AP3B2: variants seen among roughly 807,000 people sequenced by gnomAD.
The protein encoded by AP3B2 is AP-3 complex subunit beta-2.
In AP3B2, 50 loss-of-function variants were observed where a neutral mutation model predicts 126.9. The ratio of observed to expected loss-of-function variants is 0.39; its 90% CI spans 0.31 to 0.50. The LOEUF is 0.50. AP3B2 is among the 20% of genes least tolerant of loss of function. The probability of loss-of-function intolerance (pLI) is 0.79; values close to 1 mark genes in which losing one functional copy is unlikely to be tolerated. For missense variants in AP3B2, 1,177 were observed against 1,426.4 expected, an observed-to-expected ratio of 0.83 and a Z score of 2.82; for synonymous variants, 541 against 565.0, an observed-to-expected ratio of 0.96 and a Z score of 0.60.
chr15:82,664,889 G>A lies in AP3B2; in HGVS notation c.2083C>T (p.Pro695Ser), dbSNP rs1361182911. 1.2e-6 allele frequency: 2 copies of A among 1,607,792 alleles called. No homozygotes were observed. Among genetic ancestry groups the A allele is most frequent in the Non-Finnish European group, 1.7e-6 (2 of 1,177,274 alleles). ...NREKRKEKEK[P>S]FYSDSEGESG... ...TCCCCCTCAGAGTCCGAGTAGAAGG[G>A]TTTTTCCTTCTCCTTTCTCTTCTCC... Residue 695 changes from proline (P) to serine (S), a missense_variant, in exon 18 of 27, where the codon CCC becomes TCC. Around this residue, in one of 5 missense-constraint regions of AP3B2, gnomAD observed 587 missense variants for 571.3 expected, o/e 1.03. Transcript: ENST00000535359. The surrounding 1 kb of genome is among the most constrained non-coding windows in gnomAD (Gnocchi z 4.5).
chr15:82,697,080 C>A (rs1276855853), intron 1 of AP3B2, among the ~76,000 whole-genome samples: 1 of 152,046 alleles, frequency 6.6e-6, no homozygotes, highest in Non-Finnish European at 1.5e-5. Flanking sequence ...GCCTGTAATC[C>A]CAGCACTTTG....
intron 14 of AP3B2, among the ~76,000 whole-genome samples, chr15:82,674,427 C>T (rs976731462): frequency 2.6e-5 from 4 of 152,220 alleles, no homozygotes; most frequent in African/African-American, 4.8e-5. Context: ...AGGTGAAGGG[C>T]GCCCTGGAGG....
At chr15:82,662,944 G>A in intron 22 of AP3B2, 22 bp from the exon 23 acceptor site, 9 of 1,602,400 alleles carry the variant, frequency 5.6e-6, no homozygotes, top group Non-Finnish European at 7.7e-6. Context: ...GGGTAGGGAA[G>A]GACAGAACTG....
rs757843431 is a variant in AP3B2 at position 82,680,522 on chromosome 15, C to T, written c.1005G>A (p.Ala335=). 6.5e-7 allele frequency: 1 copy of T among 1,540,490 alleles called. No homozygotes were observed. Among genetic ancestry groups the T allele is most frequent in the Admixed American group, 1.9e-5 (1 of 51,542 alleles). Residue 335 remains alanine, a synonymous_variant, in exon 8 of 27, where the codon GCG becomes GCA. Coordinates refer to ENST00000535359, the MANE Select transcript of AP3B2 (RefSeq NM_001278512.2). The surrounding 1 kb of genome is among the most constrained non-coding windows in gnomAD (Gnocchi z 6.1). Reference sequence around the variant, plus strand: ...GCGCCTTGGCGATGACGCCCACTTCCGCCTTGGGCGCCAGGTGGAAGTAGA... The same window carrying T: ...GCGCCTTGGCGATGACGCCCACTTCTGCCTTGGGCGCCAGGTGGAAGTAGA... ...AQLYFHLAPK[A]EVGVIAKALV... is the part of the protein sequence containing the mutation.
In AP3B2 at chr15:82,680,178, G is replaced by A. The variant is rs1180917814; in HGVS notation, c.1107C>T (p.Arg369=). 4 of 1,613,378 alleles carry A rather than the reference G, an allele frequency of 2.5e-6. No individual in the cohort carries two copies. In the South Asian group the frequency reaches 3.3e-5, roughly 13 times the overall value. ...LQNVATMSIK[R]RGMFEPYLKS... is the part of the protein sequence containing the mutation. Reference sequence around the variant, plus strand: ...CAGCCCGCCGTCGCAGGCTCACCCGGCGCTTGATGGACATGGTGGCCACGT... The same window carrying A: ...CAGCCCGCCGTCGCAGGCTCACCCGACGCTTGATGGACATGGTGGCCACGT... Residue 369 remains arginine (R), a synonymous_variant, in exon 9 of 27, where the codon CGC becomes CGT. Transcript: ENST00000535359. This position sits in a 1 kb window ranked among gnomAD's most constrained non-coding sequence, Gnocchi z 6.1.
At chr15:82,708,406 C>G (rs1486938312) in intron 1 of AP3B2, among the ~76,000 whole-genome samples, 1 of 151,894 alleles carries the variant, frequency 6.6e-6, no homozygotes, top group Non-Finnish European at 1.5e-5. Flanking sequence ...CGTGAAAATC[C>G]TCATCTTCTC....
At chr15:82,677,934 C>T in intron 11 of AP3B2, 131 bp from the exon 12 acceptor site, 1 of 1,349,556 alleles carries the variant, frequency 7.4e-7, no homozygotes, top group Non-Finnish European at 1.0e-6. Flanking sequence ...GTGACAACTC[C>T]ACCCCCAATC....
chr15:82,689,316 G>A (rs1212157756), intron 2 of AP3B2, 62 bp downstream of exon 2: 2 of 1,611,708 alleles, frequency 1.2e-6, no homozygotes, highest in African/African-American at 2.7e-5. Flanking sequence ...AAGGAGCTAA[G>A]GAGAGCTGCT....
At chr15:82,704,798 G>A (rs147543966) in intron 1 of AP3B2, among the ~76,000 whole-genome samples, 1,783 of 152,318 alleles carry the variant, frequency 0.012, 33 homozygotes, top group African/African-American at 0.04. Context: ...TACAGTGGAG[G>A]GTAAGTCCGT....
intron 4 of AP3B2, 117 bp downstream of exon 4, chr15:82,688,615 TAGGC>T (rs2048471775): frequency 2.2e-6 from 2 of 918,360 alleles, no homozygotes; most frequent in African/African-American, 3.3e-5. Flanking sequence ...CTCCCAATTT[TAGGC>T]AGGTAGGAAG....
At chr15:82,708,507 C>A (rs1210162213) in intron 1 of AP3B2, among the ~76,000 whole-genome samples, 2 of 152,116 alleles carry the variant, frequency 1.3e-5, no homozygotes, top group Admixed American at 1.3e-4. Context: ...TTCTGCCTCT[C>A]CCCTGGTCTA....
At chr15:82,686,143 G>A (rs532499509) in intron 4 of AP3B2, 2 of 152,312 alleles carry the variant, frequency 1.3e-5, no homozygotes, top group African/African-American at 4.8e-5. Context: ...GAATCACCCT[G>A]GTTTGGACCC....
At position 82,688,747 on chromosome 15, in the gene AP3B2, G is replaced by A. The variant is rs1233321722; in HGVS notation, c.349C>T (p.Arg117Cys). The change falls in exon 4 of 27, where the codon CGT becomes TGT. Residue 117 changes from arginine to cysteine, a missense_variant. Arg to Cys is a radical substitution (Grantham distance 180, BLOSUM62 -3). This residue lies in a region of AP3B2 where 130 missense variants were observed against 262.0 expected (regional missense o/e 0.50). Transcript: ENST00000535359. ...CTGAGACCCCTGACCTTTAGGCCAC[G>A]TTGGAAGGTGGAGATGGACAGCAGG... Reference protein sequence around the residue: ...LALLSISTFQRGLKDPNQLIR... With the variant: ...LALLSISTFQCGLKDPNQLIR... The A allele has an allele frequency of 3.7e-6, 6 of 1,612,080 alleles. No individual in the cohort carries two copies. The highest frequency in any genetic ancestry group is 8.5e-7 in the Non-Finnish European group (1 of 1,179,102).
intron 1 of AP3B2, chr15:82,699,558 T>C (rs180713038): frequency 2.5e-6 from 1 of 399,276 alleles, no homozygotes; most frequent in East Asian, 3.6e-5. Flanking sequence ...GGAAGAGGTC[T>C]GGGCTGAGAG....
chr15:82,695,532 G>A (rs1034082938), intron 1 of AP3B2, among the ~76,000 whole-genome samples: 2 of 152,098 alleles, frequency 1.3e-5, no homozygotes, highest in Non-Finnish European at 2.9e-5. Flanking sequence ...ATAGGGTTTC[G>A]AGAGCTTCCA....
At chr15:82,678,583 C>T (rs2048281408) in intron 10 of AP3B2, among the ~76,000 whole-genome samples, 1 of 152,210 alleles carries the variant, frequency 6.6e-6, no homozygotes, top group South Asian at 2.1e-4. Flanking sequence ...TTCGCAGATG[C>T]TGTTTCCTCT....
Position 82,709,790 on chromosome 15 carries a change from C to G in AP3B2, c.-84G>C, listed in dbSNP as rs1309929780. 1 of 1,157,670 alleles carries G rather than the reference C, an allele frequency of 8.6e-7. No individual in the cohort carries two copies. Among genetic ancestry groups the G allele is most frequent in the Non-Finnish European group, 1.1e-6 (1 of 873,910 alleles). The allele number at this position is 1,157,670 out of a possible 1,614,324, so 71.7% of individuals were successfully genotyped here. A position where few individuals can be genotyped will look rare whatever the true frequency, so the allele number is the denominator to read the frequency against. Reference sequence around the variant, plus strand: ...CGGAGGAAGGGAAGGCGGGCCGGTCCGGTCCGGGCTGGCGAAGGCGGCGGC... The same window carrying G: ...CGGAGGAAGGGAAGGCGGGCCGGTCGGGTCCGGGCTGGCGAAGGCGGCGGC... On this transcript the variant is annotated 5_prime_UTR_variant, in exon 1 of 27. Transcript: ENST00000535359.
rs758220462 is a variant in AP3B2 at position 82,663,186 on chromosome 15, T to C, written c.2545A>G (p.Thr849Ala). The C allele has an allele frequency of 1.2e-6, 2 of 1,612,848 alleles. No homozygotes were observed. The highest frequency in any genetic ancestry group is 1.3e-5 in the African/African-American group (1 of 74,896). The change falls in exon 22 of 27, where the codon ACC becomes GCC. Residue 849 changes from threonine to alanine, a missense_variant. By Grantham distance (58) the Thr-to-Ala change is moderately conservative. Around this residue, in one of 5 missense-constraint regions of AP3B2, gnomAD observed 587 missense variants for 571.3 expected, o/e 1.03. Transcript: ENST00000535359. ...CCCTCCAGGTCAGCAGCCAGACTGGTAGACACAATTGCTGGGGGAGACACA... is the reference window on the plus strand; with the variant it reads ...CCCTCCAGGTCAGCAGCCAGACTGGCAGACACAATTGCTGGGGGAGACACA... ...QPVSPPAIVS[T>A]SLAADLEGLT...
At chr15:82,694,884 G>A (rs922749138) in intron 1 of AP3B2, among the ~76,000 whole-genome samples, 3 of 152,074 alleles carry the variant, frequency 2.0e-5, no homozygotes, top group African/African-American at 7.2e-5. Flanking sequence ...CCCCATTTCT[G>A]AGACAGAGCT....
Sources: gnomAD v4.1 joint callset for allele counts (sites outside exome capture counted in the v4.1 genomes callset) on GRCh38, gnomAD v4.1.1 for gene constraint, gnomAD v4.1.1 regional missense constraint, Gnocchi (gnomAD v3.1) non-coding constraint, MANE v1.5 for transcripts, NCBI Gene and HGNC (gene_info 2026-07-23, HGNC 2026-07-21) for gene names.